Variants in PTGFR observed in about 807,000 individuals in gnomAD.
The protein encoded by PTGFR is prostaglandin F2-alpha receptor.
Under a neutral mutation model 26.2 loss-of-function variants are expected in PTGFR, and 15 were observed. That is an observed-to-expected ratio of 0.57 (90% CI 0.38 to 0.88). The LOEUF (loss-of-function observed/expected upper bound fraction) is 0.88. PTGFR is among the 40% of genes least tolerant of loss of function. PTGFR has a pLI of 0.00. For synonymous variants in PTGFR, 165 were observed against 151.1 expected, an observed-to-expected ratio of 1.09 and a Z score of -0.68; for missense variants, 369 against 427.2, an observed-to-expected ratio of 0.86 and a Z score of 1.20.
In PTGFR at chr1:78,495,828, T is replaced by C. The variant is rs550753372; in HGVS notation, c.798+2287T>C. Among the ~76,000 whole-genome samples the C allele has an allele frequency of 2.0e-5, 3 of 152,356 alleles. No homozygotes were observed. The South Asian group carries it at 6.2e-4, about 32-fold the overall frequency. ...GATTTTTGGTTTGGTTTGGAATAAA[T>C]ATTACAATTTAATTCCTATTTTAAA... On this transcript the variant is annotated intron_variant, in intron 2 of 2. Coordinates refer to ENST00000370757, the MANE Select transcript of PTGFR (RefSeq NM_000959.4).
chr1:78,528,569 T>C (rs2100395440), intron 2 of PTGFR, among the ~76,000 whole-genome samples: 1 of 152,300 alleles, frequency 6.6e-6, no homozygotes, highest in Middle Eastern at 3.4e-3. Flanking sequence ...CTTAATTTGT[T>C]GGTCTTCTAG....
At position 78,492,766 on chromosome 1, in the gene PTGFR, A is replaced by T. The variant is rs41292960; in HGVS notation, c.23A>T (p.Gln8Leu). 8,057 of 1,613,658 alleles carry T rather than the reference A, an allele frequency of 5.0e-3. 53 individuals are homozygous for T. The highest frequency in any genetic ancestry group is 0.019 in the South Asian group (1,741 of 90,998). Reference sequence around the variant, plus strand: ...ACAATGTCCATGAACAATTCCAAACAGCTAGTGTCTCCTGCAGCTGCGCTT... The same window carrying T: ...ACAATGTCCATGAACAATTCCAAACTGCTAGTGTCTCCTGCAGCTGCGCTT... MSMNNSK[Q>L]LVSPAAALLS... is the part of the protein sequence containing the mutation. The change falls in exon 2 of 3, where the codon CAG becomes CTG. Residue 8 changes from glutamine (Q) to leucine (L), a missense_variant. By Grantham distance (113) the Gln-to-Leu change is moderately radical (BLOSUM62 -2). Coordinates refer to ENST00000370757, the MANE Select transcript of PTGFR (RefSeq NM_000959.4).
intron 2 of PTGFR, among the ~76,000 whole-genome samples, chr1:78,524,028 C>A (rs527483824): frequency 6.6e-6 from 1 of 152,100 alleles, no homozygotes; most frequent in Non-Finnish European, 1.5e-5. Context: ...AGGTCTAGTG[C>A]AACTTACATA....
intron 2 of PTGFR, among the ~76,000 whole-genome samples, chr1:78,528,501 G>A (rs1570297288): frequency 6.6e-6 from 1 of 152,010 alleles, no homozygotes. Context: ...ATGCTTTAGG[G>A]TTAAATAGAC....
intron 2 of PTGFR, among the ~76,000 whole-genome samples, chr1:78,529,773 G>T (rs182646394): frequency 9.2e-5 from 14 of 152,256 alleles, no homozygotes; most frequent in Non-Finnish European, 1.8e-4. Flanking sequence ...GGCCTTTTAG[G>T]AACTGGGCTG....
At chr1:78,494,420 C>T (rs2100346901) in intron 2 of PTGFR, among the ~76,000 whole-genome samples, 1 of 152,120 alleles carries the variant, frequency 6.6e-6, no homozygotes, top group East Asian at 1.9e-4. Context: ...TTTCTTTTTT[C>T]CCTCGTCTGT....
At chr1:78,517,230 T>C in intron 2 of PTGFR, among the ~76,000 whole-genome samples, 1 of 152,204 alleles carries the variant, frequency 6.6e-6, no homozygotes, top group Non-Finnish European at 1.5e-5. Context: ...TTCAATAAAA[T>C]TTTTTATCAG....
At position 78,493,502 on chromosome 1, in the gene PTGFR, G is replaced by C; in HGVS notation, c.759G>C (p.Ala253=). The C allele has an allele frequency of 6.4e-7, 1 of 1,570,910 alleles. No homozygotes were observed. The highest frequency in any genetic ancestry group is 8.6e-7 in the Non-Finnish European group (1 of 1,159,856). The change falls in exon 2 of 3, where the codon GCG becomes GCC. Residue 253 remains alanine, a synonymous_variant. Transcript: ENST00000370757. The stretch of plus-strand genomic sequence containing the variant: ...TGGAAATGGTAATCCAGCTCCTGGC[G>C]ATAATGTGTGTCTCCTGTATTTGTT... ...HHLEMVIQLL[A]IMCVSCICWS...
At chr1:78,506,254 G>T (rs1379557861) in intron 2 of PTGFR, among the ~76,000 whole-genome samples, 3 of 151,570 alleles carry the variant, frequency 2.0e-5, no homozygotes. Flanking sequence ...TGGATGTCAT[G>T]GTAACTCATT....
intron 2 of PTGFR, chr1:78,498,039 A>C (rs1199387640): frequency 1.0e-6 from 1 of 955,328 alleles, no homozygotes; most frequent in African/African-American, 1.7e-5. Flanking sequence ...TAGTCAACAT[A>C]GTTAAACATT....
intron 2 of PTGFR, among the ~76,000 whole-genome samples, chr1:78,505,184 G>A (rs867040917): frequency 2.1e-5 from 3 of 145,220 alleles, no homozygotes; most frequent in African/African-American, 5.2e-5. Context: ...GTGCAGTGAC[G>A]TGACCTTGGC....
chr1:78,506,375 T>G (rs1446642969), intron 2 of PTGFR, among the ~76,000 whole-genome samples: 1 of 151,994 alleles, frequency 6.6e-6, no homozygotes, highest in African/African-American at 2.4e-5. Context: ...TTTAAAAAAG[T>G]TATATTGGTC....
chr1:78,534,563 C>T (rs992529984), intron 2 of PTGFR, among the ~76,000 whole-genome samples: 15 of 152,118 alleles, frequency 9.9e-5, no homozygotes, highest in Admixed American at 5.2e-4. Flanking sequence ...CATGATCGAT[C>T]TAAAAAATTA....
chr1:78,520,182 G>T (rs1650189764), intron 2 of PTGFR, among the ~76,000 whole-genome samples: 1 of 151,934 alleles, frequency 6.6e-6, no homozygotes, highest in African/African-American at 2.4e-5. Flanking sequence ...GTCTTTCACT[G>T]GTTAAACAAC....
chr1:78,524,154 G>A (rs1650312351), intron 2 of PTGFR, among the ~76,000 whole-genome samples: 1 of 151,888 alleles, frequency 6.6e-6, no homozygotes, highest in Admixed American at 6.6e-5. Flanking sequence ...ACATGATGAG[G>A]GCACTTGTTC....
intron 1 of PTGFR, among the ~76,000 whole-genome samples, chr1:78,491,726 C>G (rs932695392): frequency 2.0e-5 from 3 of 152,188 alleles, no homozygotes; most frequent in Non-Finnish European, 2.9e-5. Context: ...AGAAGGCGAC[C>G]GTCCTGGGGG....
chr1:78,500,382 C>G (rs1003341749), intron 2 of PTGFR, among the ~76,000 whole-genome samples: 1 of 152,224 alleles, frequency 6.6e-6, no homozygotes, highest in African/African-American at 2.4e-5. Context: ...TTCCTTTTCT[C>G]AAGGGAATTT....
intron 2 of PTGFR, among the ~76,000 whole-genome samples, chr1:78,525,613 A>G (rs960278932): frequency 1.3e-5 from 2 of 151,994 alleles, no homozygotes; most frequent in African/African-American, 4.8e-5. Flanking sequence ...TGAATAATTG[A>G]TCATGTGATT....
chr1:78,533,374 T>C (rs571855703), intron 2 of PTGFR, among the ~76,000 whole-genome samples: 29 of 152,178 alleles, frequency 1.9e-4, no homozygotes, highest in Middle Eastern at 3.2e-3. Context: ...CCTAAGTAAT[T>C]TCCACTTTGT....
Sources: gnomAD v4.1 joint callset for allele counts (sites outside exome capture counted in the v4.1 genomes callset) on GRCh38, gnomAD v4.1.1 for gene constraint, MANE v1.5 for transcripts, NCBI Gene and HGNC (gene_info 2026-07-23, HGNC 2026-07-21) for gene names.